The following TNC variants were observed in gnomAD, a reference collection of about 807,000 sequenced individuals.
TNC encodes the protein tenascin C, also known as tenascin.
In TNC, 109 loss-of-function variants were observed where a neutral mutation model predicts 202.4. The ratio of observed to expected loss-of-function variants is 0.54; its 90% CI spans 0.46 to 0.63. The LOEUF (loss-of-function observed/expected upper bound fraction) is 0.63. Among genes scored for constraint, TNC ranks in the 30% least tolerant of loss-of-function variants. The probability of loss-of-function intolerance (pLI) is 0.00; values close to 1 mark genes in which losing one functional copy is unlikely to be tolerated. For missense variants in TNC, 2,756 were observed against 2,833.3 expected (o/e 0.97, Z 0.62); for synonymous variants, 1,007 against 1,089.7 (o/e 0.92, Z 1.50).
chr9:115,072,863 A>G (rs1833565414), intron 10 of TNC, among the ~76,000 whole-genome samples: 1 of 152,234 alleles, frequency 6.6e-6, no homozygotes, highest in African/African-American at 2.4e-5. Flanking sequence ...CCAAAATTGA[A>G]TAGGCTTATT....
intron 10 of TNC, among the ~76,000 whole-genome samples, chr9:115,070,472 G>C (rs1038396252): frequency 6.6e-6 from 1 of 152,246 alleles, no homozygotes; most frequent in Non-Finnish European, 1.5e-5. Context: ...AGGATGGGCT[G>C]GCCGTGCCAG....
At chr9:115,107,005 T>G (rs1470449136) in intron 1 of TNC, among the ~76,000 whole-genome samples, 3 of 152,180 alleles carry the variant, frequency 2.0e-5, no homozygotes, top group South Asian at 2.1e-4. Flanking sequence ...TGAATAACTT[T>G]TAATCATTAT....
intron 2 of TNC, 144 bp downstream of exon 2, chr9:115,090,418 T>G: frequency 1.6e-6 from 1 of 640,064 alleles, no homozygotes; most frequent in Non-Finnish European, 2.6e-6. Context: ...CACACTTATT[T>G]GAACATAAAA....
chr9:115,025,091 C>G (rs998044902), intron 26 of TNC, among the ~76,000 whole-genome samples: 1 of 152,146 alleles, frequency 6.6e-6, no homozygotes, highest in Non-Finnish European at 1.5e-5. Context: ...GAAAATGCAG[C>G]CTTACAAACG....
intron 15 of TNC, chr9:115,053,017 T>C: frequency 1.4e-6 from 1 of 697,688 alleles, no homozygotes; most frequent in Non-Finnish European, 2.6e-6. Flanking sequence ...GCTTTGGTTC[T>C]AAAGAAGGAA....
At chr9:115,065,080 C>T (rs1356093434) in intron 10 of TNC, among the ~76,000 whole-genome samples, 161 bp from the exon 11 acceptor site, 1 of 152,184 alleles carries the variant, frequency 6.6e-6, no homozygotes, top group Non-Finnish European at 1.5e-5. Flanking sequence ...CCTATTAAAA[C>T]ACCAGCAGGA....
rs765332238 is a variant in TNC at position 115,064,068 on chromosome 9, C to G, written c.3488G>C (p.Gly1163Ala). Residue 1163 changes from glycine to alanine, a missense_variant and splice_region_variant, in exon 12 of 28, where the codon GGG becomes GCG. By Grantham distance (60) the Gly-to-Ala change is moderately conservative. Transcript: ENST00000350763. Reference sequence around the variant, plus strand: ...GACCTCTCCCAAATTGGGAGTTTCCCCTGGAGAAGGACAAAGAACTAGTTT... The same window carrying G: ...GACCTCTCCCAAATTGGGAGTTTCCGCTGGAGAAGGACAAAGAACTAGTTT... ...TPVLSAEASTGETPNLGEVVV... is the reference protein window; with the variant it reads ...TPVLSAEASTAETPNLGEVVV... 7.5e-6 allele frequency: 12 copies of G among 1,601,472 alleles called. No individual in the cohort carries two copies. In the East Asian group the frequency reaches 2.2e-4, roughly 30 times the overall value.
chr9:115,069,049 G>A (rs572515255), intron 10 of TNC, among the ~76,000 whole-genome samples: 5 of 152,222 alleles, frequency 3.3e-5, no homozygotes, highest in Non-Finnish European at 7.4e-5. Context: ...TCTATACACC[G>A]GCATCGCCTG....
intron 13 of TNC, among the ~76,000 whole-genome samples, chr9:115,060,464 A>G (rs576352315): frequency 5.9e-5 from 9 of 152,308 alleles, no homozygotes; most frequent in African/African-American, 2.2e-4. Flanking sequence ...TTACCTTTAA[A>G]TGGAGTTGAT....
rs548247705 is a variant in TNC, at chr9:115,077,831, C to T, written c.2674+112G>A. The T allele has an allele frequency of 7.0e-6, 8 of 1,149,684 alleles. No individual in the cohort carries two copies. The East Asian group carries it at 1.4e-4, about 21-fold the overall frequency. The allele number at this position is 1,149,684 out of a possible 1,614,324, so 71.2% of individuals were successfully genotyped here. On this transcript the variant is annotated intron_variant, in intron 7 of 27. Transcript: ENST00000350763. ...AAAATTTACAGGAGTAGAAATACCCCTTTCATTTTTCGTACTGTAAAATGA... is the reference window on the plus strand; with the variant it reads ...AAAATTTACAGGAGTAGAAATACCCTTTTCATTTTTCGTACTGTAAAATGA...
At chr9:115,076,991 A>G (rs1298358697) in intron 7 of TNC, among the ~76,000 whole-genome samples, 2 of 151,774 alleles carry the variant, frequency 1.3e-5, no homozygotes, top group Non-Finnish European at 2.9e-5. Context: ...CCTGCTTCCC[A>G]GGTTCAAGTG....
At position 115,020,697 on chromosome 9, in the gene TNC, C is replaced by G. The variant is rs1337956375; in HGVS notation, c.*460G>C. 1 of 332,516 alleles carries G rather than the reference C, an allele frequency of 3.0e-6. No homozygotes were observed. Among genetic ancestry groups the G allele is most frequent in the South Asian group, 2.6e-5 (1 of 37,788 alleles). 20.6% of individuals were successfully genotyped at this position (332,516 alleles called of 1,614,324 possible). On this transcript the variant is annotated 3_prime_UTR_variant, in exon 28 of 28. Transcript: ENST00000350763. ...TATCCTTAAAATGGAAACAGTATTG[C>G]TTTTCTGGTTTCTGTTGTATGAAAT...
Position 115,076,065 on chromosome 9 carries a change from C to T in TNC, c.2917G>A (p.Glu973Lys). 6.2e-7 allele frequency: 1 copy of T among 1,614,146 alleles called. No homozygotes were observed. The highest frequency in any genetic ancestry group is 1.1e-5 in the South Asian group (1 of 91,082). Residue 973 changes from glutamate to lysine, a missense_variant, in exon 9 of 28, where the codon GAG (glutamate) becomes AAG (lysine). Physicochemically the swap from Glu to Lys is moderately conservative, Grantham distance 56. Transcript: ENST00000350763. ...GCGTTGATGGTCGCTGGATTGCTCTCCTTGTCTTCCTTCACAGCAGAAACT... is the reference window on the plus strand; with the variant it reads ...GCGTTGATGGTCGCTGGATTGCTCTTCTTGTCTTCCTTCACAGCAGAAACT... Reference protein sequence around the residue: ...IGVSAVKEDKESNPATINAAT... With the variant: ...IGVSAVKEDKKSNPATINAAT...
intron 17 of TNC, among the ~76,000 whole-genome samples, chr9:115,045,047 C>T (rs772589085): frequency 1.5e-4 from 23 of 152,154 alleles, no homozygotes; most frequent in Non-Finnish European, 3.2e-4. Flanking sequence ...ATAAGCTGGT[C>T]ATTGGGCTTT....
intron 15 of TNC, among the ~76,000 whole-genome samples, chr9:115,054,076 G>T (rs956032572): frequency 1.3e-5 from 2 of 152,174 alleles, no homozygotes; most frequent in African/African-American, 2.4e-5. Context: ...GGCCCAGACT[G>T]TATTTTAGAG....
At chr9:115,052,081 TATATATATATATACAC>T (rs1260570185) in intron 15 of TNC, among the ~76,000 whole-genome samples, 2 of 99,670 alleles carry the variant, frequency 2.0e-5, no homozygotes, top group African/African-American at 8.0e-5. Flanking sequence ...TATATATACA[TATATATATATATACAC>T]ATATATATAT....
rs1221449138 is a variant in TNC at position 115,084,187 on chromosome 9, CAAAA to C, written c.2131+18_2131+21del. On this transcript the variant is annotated intron_variant, in intron 4 of 27. Coordinates refer to ENST00000350763, the MANE Select transcript of TNC (RefSeq NM_002160.4). ...TGGGCTGACATCAGGTGAGGCTGCC[CAAAA>C]GAGTTCTGCTCACTCACACGTGGCC... 1 of 1,609,122 alleles carries C rather than the reference CAAAA, an allele frequency of 6.2e-7. No individual in the cohort carries two copies. The highest frequency in any genetic ancestry group is 1.7e-5 in the Admixed American group (1 of 59,850).
intron 1 of TNC, among the ~76,000 whole-genome samples, chr9:115,096,915 A>G (rs1835840503): frequency 6.6e-6 from 1 of 152,132 alleles, no homozygotes; most frequent in Non-Finnish European, 1.5e-5. Context: ...ACTAAAACCA[A>G]GTTGCTCCAG....
At chr9:115,102,857 T>A (rs1836338557) in intron 1 of TNC, among the ~76,000 whole-genome samples, 1 of 152,218 alleles carries the variant, frequency 6.6e-6, no homozygotes. Context: ...CACAATATGT[T>A]TATATTAAAT....
Sources: gnomAD v4.1 joint callset for allele counts (sites outside exome capture counted in the v4.1 genomes callset) on GRCh38, gnomAD v4.1.1 for gene constraint, MANE v1.5 for transcripts, NCBI Gene and HGNC (gene_info 2026-07-23, HGNC 2026-07-21) for gene names.